LRRTM4: variants seen among roughly 807,000 people sequenced by gnomAD.
LRRTM4 encodes the protein leucine rich repeat transmembrane neuronal 4.
LRRTM4 carries 25 observed loss-of-function variants against 47.6 expected under a neutral mutation model. The ratio of observed to expected loss-of-function variants is 0.53; its 90% CI spans 0.38 to 0.73. The LOEUF (loss-of-function observed/expected upper bound fraction) is 0.73. Among genes scored for constraint, LRRTM4 ranks in the 30% least tolerant of loss-of-function variants. The pLI is 0.00. For missense variants in LRRTM4, 638 were observed against 713.4 expected, an observed-to-expected ratio of 0.89 and a Z score of 1.20; for synonymous variants, 311 against 269.5, an observed-to-expected ratio of 1.15 and a Z score of -1.51.
At chr2:77,216,445 T>C (rs1242071991) in intron 3 of LRRTM4, among the ~76,000 whole-genome samples, 1 of 151,694 alleles carries the variant, frequency 6.6e-6, no homozygotes, top group Non-Finnish European at 1.5e-5. Context: ...GGTGGGCGGA[T>C]CACGAGGTCA....
At chr2:76,792,939 G>T (rs1328131783) in intron 3 of LRRTM4, among the ~76,000 whole-genome samples, 1 of 152,140 alleles carries the variant, frequency 6.6e-6, no homozygotes, top group Non-Finnish European at 1.5e-5. Context: ...TGGTTGTTAG[G>T]GGTGGAGGGT....
chr2:77,316,870 G>T (rs1426336886), intron 3 of LRRTM4, among the ~76,000 whole-genome samples: 1 of 152,140 alleles, frequency 6.6e-6, no homozygotes, highest in Non-Finnish European at 1.5e-5. Context: ...AAGGCAATTT[G>T]CCAATTAAGT....
intron 3 of LRRTM4, among the ~76,000 whole-genome samples, chr2:77,114,335 G>A (rs1400702057): frequency 1.3e-5 from 2 of 152,064 alleles, no homozygotes; most frequent in African/African-American, 4.8e-5. Context: ...CCCTGAATAC[G>A]GTAACATATT....
chr2:77,127,357 A>T (rs1347972848), intron 3 of LRRTM4, among the ~76,000 whole-genome samples: 1 of 152,226 alleles, frequency 6.6e-6, no homozygotes, highest in Non-Finnish European at 1.5e-5. Flanking sequence ...AAATTAATTT[A>T]AAATACTCAT....
rs565617427 is a variant in LRRTM4, at chr2:77,128,903, G to A, written c.1552-379987C>T. On this transcript the variant is annotated intron_variant, in intron 3 of 3. Transcript: ENST00000409884. ...GATCCACCTGTCGTGGCCTCCCAAA[G>A]TGATGGGATTATAGGCATAAGCTAC... Among the ~76,000 whole-genome samples, 67 of 152,294 alleles carry A rather than the reference G, an allele frequency of 4.4e-4. 1 individual carries two copies. The highest frequency in any genetic ancestry group is 3.4e-3 in the Middle Eastern group (1 of 294).
intron 3 of LRRTM4, among the ~76,000 whole-genome samples, chr2:77,185,893 T>C (rs1354168661): frequency 6.6e-6 from 1 of 152,154 alleles, no homozygotes; most frequent in Non-Finnish European, 1.5e-5. Flanking sequence ...TGGGCTCATC[T>C]GTAAAATAAT....
At chr2:77,054,303 A>T (rs1256131187) in intron 3 of LRRTM4, among the ~76,000 whole-genome samples, 4 of 151,408 alleles carry the variant, frequency 2.6e-5, no homozygotes, top group Non-Finnish European at 5.9e-5. Flanking sequence ...TGAAAATTAC[A>T]TTGTACATTG....
chr2:76,807,368 T>C (rs1670516802), intron 3 of LRRTM4, among the ~76,000 whole-genome samples: 1 of 143,996 alleles, frequency 6.9e-6, no homozygotes, highest in Non-Finnish European at 1.5e-5. Flanking sequence ...GAATATGCAT[T>C]ATAAACATTC....
intron 3 of LRRTM4, among the ~76,000 whole-genome samples, chr2:77,288,108 G>C (rs1034587903): frequency 6.6e-6 from 1 of 151,970 alleles, no homozygotes; most frequent in Admixed American, 6.6e-5. Context: ...TATGACCCAA[G>C]AGAAATTCTA....
At chr2:77,399,610 T>G in intron 3 of LRRTM4, among the ~76,000 whole-genome samples, 1 of 142,622 alleles carries the variant, frequency 7.0e-6, no homozygotes, top group East Asian at 1.9e-4. Flanking sequence ...TAAACTAAAC[T>G]AAACTAAAGA....
At chr2:77,251,658 G>A (rs1675620543) in intron 3 of LRRTM4, among the ~76,000 whole-genome samples, 1 of 152,104 alleles carries the variant, frequency 6.6e-6, no homozygotes, top group Admixed American at 6.6e-5. Context: ...CTGAGATGAA[G>A]AGAGGTTATA....
At chr2:76,888,247 A>G (rs1459602981) in intron 3 of LRRTM4, among the ~76,000 whole-genome samples, 1 of 151,378 alleles carries the variant, frequency 6.6e-6, no homozygotes, top group East Asian at 1.9e-4. Flanking sequence ...CCTGAAGTTC[A>G]ATAACAGGAA....
At chr2:77,508,502 C>T (rs1317114376) in intron 3 of LRRTM4, among the ~76,000 whole-genome samples, 1 of 152,134 alleles carries the variant, frequency 6.6e-6, no homozygotes. Flanking sequence ...TATGCTGTAC[C>T]AATCACAAAG....
intron 3 of LRRTM4, among the ~76,000 whole-genome samples, chr2:77,165,429 AG>A (rs902329544): frequency 7.4e-4 from 112 of 152,344 alleles, no homozygotes; most frequent in African/African-American, 2.5e-3. Flanking sequence ...TCCAATCAGT[AG>A]AAAAAGAGGG....
chr2:76,835,435 ATGTGACTTATTTG>A (rs1671482384), intron 3 of LRRTM4, among the ~76,000 whole-genome samples: 1 of 152,166 alleles, frequency 6.6e-6, no homozygotes, highest in South Asian at 2.1e-4. Flanking sequence ...AGAGTAATAC[ATGTGACTTATTTG>A]TGAAGATTTC....
intron 3 of LRRTM4, among the ~76,000 whole-genome samples, chr2:77,273,378 C>T (rs1026701897): frequency 6.6e-6 from 1 of 152,098 alleles, no homozygotes; most frequent in African/African-American, 2.4e-5. Context: ...CCTGTATTCT[C>T]TATTACCTTA....
At chr2:77,162,325 T>A (rs2103811848) in intron 3 of LRRTM4, among the ~76,000 whole-genome samples, 1 of 152,246 alleles carries the variant, frequency 6.6e-6, no homozygotes, top group South Asian at 2.1e-4. Context: ...TGGCCAGGAA[T>A]CTCGAATTGG....
intron 3 of LRRTM4, among the ~76,000 whole-genome samples, chr2:77,167,147 T>C (rs1230794975): frequency 1.3e-5 from 2 of 152,140 alleles, no homozygotes; most frequent in East Asian, 1.9e-4. Context: ...GCAAAGGATA[T>C]GAAGAGACAC....
intron 3 of LRRTM4, among the ~76,000 whole-genome samples, chr2:77,448,413 T>C (rs1428201879): frequency 6.6e-6 from 1 of 152,196 alleles, no homozygotes; most frequent in African/African-American, 2.4e-5. Context: ...TTCTTTTGCA[T>C]ACAATAACTA....
Sources: allele counts gnomAD v4.1 joint callset (sites outside exome capture counted in the v4.1 genomes callset), GRCh38; gene constraint gnomAD v4.1.1; transcripts MANE v1.5; gene names NCBI Gene and HGNC (gene_info 2026-07-23, HGNC 2026-07-21).